Variants in TXNRD1 observed in about 807,000 individuals in gnomAD.
The protein encoded by TXNRD1 is thioredoxin reductase 1, cytoplasmic.
Under a neutral mutation model 80.3 loss-of-function variants are expected in TXNRD1, and 57 were observed. That is an observed-to-expected ratio of 0.71 (90% confidence interval 0.57 to 0.89). The LOEUF (loss-of-function observed/expected upper bound fraction) is 0.89, where lower values mean the gene tolerates loss of function less well. Ranked by LOEUF, TXNRD1 falls within the 40% of genes least tolerant of loss-of-function variation. The probability of loss-of-function intolerance (pLI) is 0.00; values close to 1 mark genes in which losing one functional copy is unlikely to be tolerated. For synonymous variants in TXNRD1, 291 were observed against 285.2 expected (o/e 1.02, Z -0.20); for missense variants, 730 against 803.0 (o/e 0.91, Z 1.10).
rs34445383 is a variant in TXNRD1 at position 104,318,230 on chromosome 12, TA to T, written c.731-677del. On this transcript the variant is annotated intron_variant, in intron 7 of 16. Coordinates refer to ENST00000525566, the MANE Select transcript of TXNRD1 (RefSeq NM_001093771.3). ...TTAATTATGACAGAATCAAAAAGAA[TA>T]AAAAAGTTTTCTCTTTGATAAGATA... is the stretch of plus-strand genomic sequence containing the variant. Among the ~76,000 whole-genome samples, 1,137 of 152,286 alleles carry T rather than the reference TA, an allele frequency of 7.5e-3. 15 individuals are homozygous for T. Among genetic ancestry groups the T allele is most frequent in the African/African-American group, 0.024 (986 of 41,546 alleles).
At chr12:104,320,905 T>G (rs1205935646) in intron 9 of TXNRD1, among the ~76,000 whole-genome samples, 186 bp from the exon 10 acceptor site, 1 of 152,230 alleles carries the variant, frequency 6.6e-6, no homozygotes, top group East Asian at 1.9e-4. Context: ...CCAAAGCAAC[T>G]GAGTGGCAAG....
chr12:104,274,725 AATAAT>A (rs2033721123), intron 3 of TXNRD1, among the ~76,000 whole-genome samples: 1 of 150,974 alleles, frequency 6.6e-6, no homozygotes, highest in South Asian at 2.1e-4. Flanking sequence ...TAATAAAAAA[AATAAT>A]AATAATAAGC....
chr12:104,276,159 C>A (rs1427546878), intron 3 of TXNRD1, among the ~76,000 whole-genome samples: 1 of 152,090 alleles, frequency 6.6e-6, no homozygotes, highest in Non-Finnish European at 1.5e-5. Flanking sequence ...GCTTAAACGG[C>A]CCTGAATACA....
At chr12:104,303,177 T>C (rs911586266) in intron 4 of TXNRD1, among the ~76,000 whole-genome samples, 1 of 152,160 alleles carries the variant, frequency 6.6e-6, no homozygotes, top group African/African-American at 2.4e-5. Context: ...AGCACGGATA[T>C]TGGAGGCTCC....
At chr12:104,243,257 G>T (rs1565859254) in intron 1 of TXNRD1, among the ~76,000 whole-genome samples, 1 of 151,972 alleles carries the variant, frequency 6.6e-6, no homozygotes, top group Non-Finnish European at 1.5e-5. Flanking sequence ...TGTCCTTTTA[G>T]GGAGTCTTTA....
intron 4 of TXNRD1, among the ~76,000 whole-genome samples, chr12:104,306,198 G>A (rs993930096): frequency 4.4e-4 from 67 of 152,250 alleles, no homozygotes; most frequent in African/African-American, 1.6e-3. Context: ...GCCAAATTTT[G>A]CATTTCTTAA....
At chr12:104,229,684 C>G (rs1197216310) in intron 1 of TXNRD1, among the ~76,000 whole-genome samples, 1 of 151,666 alleles carries the variant, frequency 6.6e-6, no homozygotes, top group East Asian at 1.9e-4. Flanking sequence ...CCTCTGCCTC[C>G]CGGGTTCAAC....
chr12:104,315,339 T>C (rs1024526797), intron 6 of TXNRD1, among the ~76,000 whole-genome samples: 1 of 152,210 alleles, frequency 6.6e-6, no homozygotes, highest in Admixed American at 6.5e-5. Context: ...AAAGCCTATT[T>C]TATAATAAAG....
chr12:104,266,885 C>A lies in TXNRD1; in HGVS notation c.304+8806C>A, dbSNP rs1405077846. 2.6e-5 allele frequency among the ~76,000 whole-genome samples: 4 copies of A among 152,254 alleles called. No homozygotes were observed. The South Asian group carries it at 8.3e-4, about 32-fold the overall frequency. On this transcript the variant is annotated intron_variant, in intron 3 of 16. Transcript: ENST00000525566. The stretch of plus-strand genomic sequence containing the variant: ...GTTGAGGCAGGAGAATGGTGTGAAC[C>A]CGGGAGGCGGAGCTTGCAATAAGCC...
intron 1 of TXNRD1, among the ~76,000 whole-genome samples, chr12:104,227,816 A>AT (rs2032508439): frequency 6.6e-6 from 1 of 152,216 alleles, no homozygotes; most frequent in Non-Finnish European, 1.5e-5. Context: ...TTCACACAGC[A>AT]TAATACTTTT....
chr12:104,336,235 T>C (rs1186086290), intron 15 of TXNRD1, among the ~76,000 whole-genome samples: 1 of 152,224 alleles, frequency 6.6e-6, no homozygotes, highest in East Asian at 1.9e-4. Flanking sequence ...TGCTCTTTTT[T>C]CAATGTTACA....
chr12:104,267,651 T>G (rs574676066), intron 3 of TXNRD1, among the ~76,000 whole-genome samples: 299 of 20,630 alleles, frequency 0.014, 1 homozygote, highest in East Asian at 0.069. Flanking sequence ...GATGGTATCT[T>G]TCTTTCTTTC....
Position 104,304,747 on chromosome 12 carries a change from A to G in TXNRD1, c.415-6543A>G, listed in dbSNP as rs199802893. 9,402 of 1,613,862 alleles carry G rather than the reference A, an allele frequency of 5.8e-3. 55 individuals carry two copies. Among genetic ancestry groups the G allele is most frequent in the South Asian group, 0.015 (1,334 of 91,054 alleles). ...CTTTTATTGTAAGAGATGGTTTTGC[A>G]AGAATAAGGCTTGATGAAGACAGGC... On this transcript the variant is annotated intron_variant, in intron 4 of 16. Transcript: ENST00000525566.
chr12:104,219,766 C>T (rs2032307239), intron 1 of TXNRD1, among the ~76,000 whole-genome samples: 1 of 151,844 alleles, frequency 6.6e-6, no homozygotes, highest in Non-Finnish European at 1.5e-5. Context: ...TTATATGACT[C>T]ATATGGCAAA....
rs769721639 is a variant in TXNRD1 at position 104,304,778 on chromosome 12, A to G, written c.415-6512A>G. 2.5e-6 allele frequency: 4 copies of G among 1,613,866 alleles called. No individual in the cohort carries two copies. In the Admixed American group the frequency reaches 5.0e-5, roughly 20 times the overall value. ...AAGGCTTGATGAAGACAGGCTGCCAATATTAGAGCCGATGAATGTTAACCA... is the reference window on the plus strand; with the variant it reads ...AAGGCTTGATGAAGACAGGCTGCCAGTATTAGAGCCGATGAATGTTAACCA... On this transcript the variant is annotated intron_variant, in intron 4 of 16. Transcript: ENST00000525566.
chr12:104,265,269 A>G, intron 3 of TXNRD1: 3 of 1,519,048 alleles, frequency 2.0e-6, no homozygotes, highest in Non-Finnish European at 2.7e-6. Flanking sequence ...AAAAAAAAAA[A>G]CTTCCTTTTG....
intron 16 of TXNRD1, among the ~76,000 whole-genome samples, chr12:104,342,578 G>A (rs939158036): frequency 1.1e-4 from 17 of 152,142 alleles, no homozygotes; most frequent in Non-Finnish European, 2.2e-4. Context: ...GTGGGAAAGC[G>A]GATGGCTCAT....
chr12:104,245,014 C>T (rs879052588), intron 1 of TXNRD1, among the ~76,000 whole-genome samples: 7 of 152,132 alleles, frequency 4.6e-5, no homozygotes, highest in Admixed American at 3.9e-4. Flanking sequence ...CTGGGTTTTA[C>T]AGGAAGTTAA....
chr12:104,255,865 CAA>C (rs1463241092), intron 2 of TXNRD1, among the ~76,000 whole-genome samples: 1 of 152,140 alleles, frequency 6.6e-6, no homozygotes, highest in Non-Finnish European at 1.5e-5. Flanking sequence ...CTGGGTATGT[CAA>C]GTCTTCTAGA....
Sources: allele counts gnomAD v4.1 joint callset (sites outside exome capture counted in the v4.1 genomes callset), GRCh38; gene constraint gnomAD v4.1.1; transcripts MANE v1.5; gene names NCBI Gene and HGNC (gene_info 2026-07-23, HGNC 2026-07-21).